The following PLXDC2 variants were observed in gnomAD, a reference collection of about 807,000 sequenced individuals.
PLXDC2 encodes the protein plexin domain-containing protein 2.
A neutral mutation model predicts 68.9 loss-of-function variants in PLXDC2; 40 were observed. The observed-to-expected ratio is 0.58, with a 90% confidence interval of 0.45 to 0.76. The LOEUF (loss-of-function observed/expected upper bound fraction) is 0.76, where lower values mean the gene tolerates loss of function less well. Among genes scored for constraint, PLXDC2 ranks in the 30% least tolerant of loss-of-function variants. The pLI is 0.00. For synonymous variants in PLXDC2, 243 were observed against 234.2 expected (o/e 1.04, Z -0.34); for missense variants, 644 against 661.9 (o/e 0.97, Z 0.30).
intron 1 of PLXDC2, among the ~76,000 whole-genome samples, chr10:19,842,560 T>TC (rs1206644985): frequency 7.9e-5 from 12 of 152,168 alleles, no homozygotes; most frequent in Non-Finnish European, 1.5e-5. Flanking sequence ...CACCTTATTT[T>TC]CCCACTGGTT....
rs539433686 is a variant in PLXDC2 at position 20,088,778 on chromosome 10, A to G, written c.541+20539A>G. On this transcript the variant is annotated intron_variant, in intron 4 of 13. Coordinates refer to ENST00000377252, the MANE Select transcript of PLXDC2 (RefSeq NM_032812.9). ...CACACCTATCTTAAAAAATATTATG[A>G]GGATTAATATTATACTTTAAGTGCC... Among the ~76,000 whole-genome samples, 13 of 152,328 alleles carry G rather than the reference A, an allele frequency of 8.5e-5. No homozygotes were observed. In the South Asian group the frequency reaches 2.7e-3, roughly 32 times the overall value.
intron 13 of PLXDC2, 32 bp from the exon 14 acceptor site, chr10:20,279,671 C>T: frequency 1.3e-6 from 2 of 1,569,098 alleles, no homozygotes; most frequent in Non-Finnish European, 8.8e-7. Flanking sequence ...TACCCTGACG[C>T]ACATTTTTTA....
In PLXDC2 at chr10:20,219,073, A is replaced by T; in HGVS notation, c.1283A>T (p.Lys428Met). The T allele has an allele frequency of 6.2e-7, 1 of 1,608,396 alleles. No homozygotes were observed. Among genetic ancestry groups the T allele is most frequent in the Non-Finnish European group, 8.5e-7 (1 of 1,177,386 alleles). ...PTSLPTEDDTKIALHLKDNGA... is the reference protein window; with the variant it reads ...PTSLPTEDDTMIALHLKDNGA... ...TGAATTTCTCTTCCAGATGATACCA[A>T]GATAGCACTACATCTAAAAGATAAT... The change falls in exon 12 of 14, where the codon AAG (lysine) becomes ATG (methionine). Residue 428 changes from lysine to methionine, a missense_variant. Physicochemically the swap from Lys to Met is moderately conservative, Grantham distance 95. Around this residue, in one of 3 missense-constraint regions of PLXDC2, gnomAD observed 330 missense variants for 327.9 expected, o/e 1.01. Transcript: ENST00000377252.
intron 13 of PLXDC2, among the ~76,000 whole-genome samples, chr10:20,270,669 C>T (rs1341420105): frequency 6.6e-6 from 1 of 151,966 alleles, no homozygotes; most frequent in Non-Finnish European, 1.5e-5. Context: ...CTCAAACTCC[C>T]AATTAGCTGG....
chr10:19,869,366 A>G (rs1374954505), intron 1 of PLXDC2, among the ~76,000 whole-genome samples: 2 of 150,992 alleles, frequency 1.3e-5, no homozygotes, highest in South Asian at 2.1e-4. Flanking sequence ...AGAGGTTGCA[A>G]TGAGCTGAAA....
chr10:19,865,760 A>G (rs925522315), intron 1 of PLXDC2, among the ~76,000 whole-genome samples: 1 of 152,242 alleles, frequency 6.6e-6, no homozygotes, highest in African/African-American at 2.4e-5. Context: ...AGTAGTAAGC[A>G]TAAAGTTGGT....
chr10:20,122,100 C>T (rs182991285), intron 4 of PLXDC2, among the ~76,000 whole-genome samples: 1 of 151,968 alleles, frequency 6.6e-6, no homozygotes, highest in African/African-American at 2.4e-5. Context: ...CAGGAATAGT[C>T]AGGGAAGCAG....
At chr10:20,111,446 C>T (rs2131748378) in intron 4 of PLXDC2, among the ~76,000 whole-genome samples, 1 of 152,226 alleles carries the variant, frequency 6.6e-6, no homozygotes, top group African/African-American at 2.4e-5. Context: ...AAATAATTAT[C>T]TTGTGATTCA....
chr10:20,141,716 T>C (rs1230093905), intron 4 of PLXDC2, among the ~76,000 whole-genome samples: 2 of 152,062 alleles, frequency 1.3e-5, no homozygotes, highest in Non-Finnish European at 2.9e-5. Context: ...AATATTGCAC[T>C]TTGAATATTA....
intron 13 of PLXDC2, among the ~76,000 whole-genome samples, chr10:20,263,409 A>G (rs1399375524): frequency 6.6e-6 from 1 of 152,208 alleles, no homozygotes; most frequent in Non-Finnish European, 1.5e-5. Context: ...AAAACACCTG[A>G]AGACAACCTA....
At chr10:20,038,760 G>T (rs1256666236) in intron 2 of PLXDC2, among the ~76,000 whole-genome samples, 2 of 151,798 alleles carry the variant, frequency 1.3e-5, no homozygotes, top group Non-Finnish European at 2.9e-5. Context: ...CACTTTTTTT[G>T]ATTAAAAAAA....
intron 4 of PLXDC2, among the ~76,000 whole-genome samples, chr10:20,109,593 T>C (rs1833532628): frequency 6.6e-6 from 1 of 152,204 alleles, no homozygotes; most frequent in Non-Finnish European, 1.5e-5. Context: ...TTGATATTCT[T>C]AATGATTGTA....
intron 1 of PLXDC2, among the ~76,000 whole-genome samples, chr10:19,944,812 T>C (rs912106119): frequency 2.0e-5 from 3 of 151,874 alleles, no homozygotes; most frequent in Non-Finnish European, 2.9e-5. Flanking sequence ...AATAGCCAGG[T>C]GTGGTGGTGG....
intron 6 of PLXDC2, among the ~76,000 whole-genome samples, chr10:20,163,518 A>G (rs537740893): frequency 6.6e-6 from 1 of 152,140 alleles, no homozygotes; most frequent in Non-Finnish European, 1.5e-5. Flanking sequence ...TATCTGATCT[A>G]ATATATTATT....
chr10:19,996,680 A>G (rs1209386740), intron 1 of PLXDC2, among the ~76,000 whole-genome samples: 1 of 152,224 alleles, frequency 6.6e-6, no homozygotes, highest in Non-Finnish European at 1.5e-5. Flanking sequence ...CATTTTCACC[A>G]TGCTAATAAA....
chr10:19,880,148 A>G (rs1248188633), intron 1 of PLXDC2, among the ~76,000 whole-genome samples: 1 of 152,210 alleles, frequency 6.6e-6, no homozygotes, highest in Non-Finnish European at 1.5e-5. Context: ...TTTTTGGTAT[A>G]TGATGGTATC....
intron 2 of PLXDC2, among the ~76,000 whole-genome samples, chr10:20,009,953 G>C (rs1042766608): frequency 3.9e-5 from 6 of 151,992 alleles, no homozygotes; most frequent in African/African-American, 1.5e-4. Flanking sequence ...GTTAAATTTA[G>C]ATTAGAATTG....
chr10:20,243,664 TAAAA>T (rs1835548890), intron 12 of PLXDC2, among the ~76,000 whole-genome samples: 1 of 151,662 alleles, frequency 6.6e-6, no homozygotes, highest in Non-Finnish European at 1.5e-5. Context: ...AAAGGTAAAA[TAAAA>T]GAAAGAAATC....
chr10:20,086,017 A>G (rs1348805903), intron 4 of PLXDC2, among the ~76,000 whole-genome samples: 1 of 152,210 alleles, frequency 6.6e-6, no homozygotes, highest in Non-Finnish European at 1.5e-5. Context: ...TTTGCTTGAC[A>G]AATTCAGATT....
Sources: gnomAD v4.1 joint callset for allele counts (sites outside exome capture counted in the v4.1 genomes callset) on GRCh38, gnomAD v4.1.1 for gene constraint, gnomAD v4.1.1 regional missense constraint, MANE v1.5 for transcripts, NCBI Gene and HGNC (gene_info 2026-07-23, HGNC 2026-07-21) for gene names.